Variants in MEMO1 observed in about 807,000 individuals in gnomAD.
MEMO1 encodes the protein mediator of cell motility 1, also known as protein MEMO1.
MEMO1 carries 6 observed loss-of-function variants against 45.2 expected under a neutral mutation model. The observed-to-expected ratio is 0.13, with a 90% CI of 0.07 to 0.26. The LOEUF is 0.26. Among genes scored for constraint, MEMO1 ranks in the 10% least tolerant of loss-of-function variants. The pLI is 1.00. For synonymous variants in MEMO1, 78 were observed against 124.3 expected (o/e 0.63, Z 2.48); for missense variants, 184 against 370.5 (o/e 0.50, Z 4.13).
At chr2:31,898,612 G>C (rs984999091) in intron 6 of MEMO1, among the ~76,000 whole-genome samples, 1 of 152,186 alleles carries the variant, frequency 6.6e-6, no homozygotes, top group Non-Finnish European at 1.5e-5. Context: ...TGCAGTTGCT[G>C]AGGAGTGTTT....
intron 2 of MEMO1, among the ~76,000 whole-genome samples, chr2:31,964,008 A>T (rs770465605): frequency 1.3e-5 from 2 of 152,246 alleles, no homozygotes; most frequent in African/African-American, 4.8e-5. Context: ...AGTATTATTC[A>T]AACCAATTTT....
chr2:31,905,993 G>T (rs768258144), intron 6 of MEMO1, among the ~76,000 whole-genome samples: 9 of 150,028 alleles, frequency 6.0e-5, no homozygotes, highest in East Asian at 3.9e-4. Flanking sequence ...TTTTTGAGAC[G>T]GAGTCTCACT....
chr2:31,958,688 A>C (rs1458963567), intron 2 of MEMO1, among the ~76,000 whole-genome samples: 1 of 152,136 alleles, frequency 6.6e-6, no homozygotes, highest in South Asian at 2.1e-4. Flanking sequence ...CTCTGGCTCT[A>C]TCACCCTGGC....
intron 4 of MEMO1, among the ~76,000 whole-genome samples, chr2:31,928,865 T>C (rs545566356): frequency 1.7e-4 from 26 of 152,284 alleles, no homozygotes; most frequent in African/African-American, 6.0e-4. Context: ...ATCAGAAACT[T>C]AGACTCTTTA....
intron 2 of MEMO1, among the ~76,000 whole-genome samples, chr2:31,964,247 AACAC>A (rs1164396072): frequency 1.3e-5 from 2 of 151,986 alleles, no homozygotes; most frequent in African/African-American, 4.8e-5. Context: ...CACGTACACA[AACAC>A]ACACACAAAC....
Position 31,879,142 on chromosome 2 carries a change from T to C in MEMO1, c.657+4244A>G, listed in dbSNP as rs140302547. Reference sequence around the variant, plus strand: ...CTGTCATACTCAAACTAGTAGAGAATAATTTTTCACATTTGGTTTTTGCCT... The same window carrying C: ...CTGTCATACTCAAACTAGTAGAGAACAATTTTTCACATTTGGTTTTTGCCT... On this transcript the variant is annotated intron_variant, in intron 8 of 9. Transcript: ENST00000404530. 3.7e-3 allele frequency among the ~76,000 whole-genome samples: 568 copies of C among 152,334 alleles called. 5 individuals are homozygous for C. Among genetic ancestry groups the C allele is most frequent in the African/African-American group, 0.013 (558 of 41,584 alleles).
chr2:31,919,967 T>C (rs1418030187), intron 5 of MEMO1, among the ~76,000 whole-genome samples: 1 of 151,558 alleles, frequency 6.6e-6, no homozygotes, highest in Non-Finnish European at 1.5e-5. Context: ...TGTGTGTGTG[T>C]GTGTGTGTGT....
At chr2:32,007,091 A>G (rs1350076779) in intron 2 of MEMO1, among the ~76,000 whole-genome samples, 2 of 152,128 alleles carry the variant, frequency 1.3e-5, no homozygotes, top group Admixed American at 1.3e-4. Context: ...CTCTCAACTG[A>G]GTAAGTCCAG....
intron 8 of MEMO1, among the ~76,000 whole-genome samples, chr2:31,875,762 C>T (rs1674462164): frequency 6.6e-6 from 1 of 152,158 alleles, no homozygotes; most frequent in South Asian, 2.1e-4. Flanking sequence ...TCTCGGCTCA[C>T]TGTAACCTCC....
At chr2:31,963,696 A>G (rs1558536880) in intron 2 of MEMO1, among the ~76,000 whole-genome samples, 1 of 152,182 alleles carries the variant, frequency 6.6e-6, no homozygotes, top group Non-Finnish European at 1.5e-5. Flanking sequence ...AGATAAAAAC[A>G]ATGTTCATGA....
At chr2:31,924,205 G>A (rs544794389) in intron 4 of MEMO1, among the ~76,000 whole-genome samples, 1 of 152,188 alleles carries the variant, frequency 6.6e-6, no homozygotes, top group South Asian at 2.1e-4. Flanking sequence ...ATCTCAAAAT[G>A]GGTCTCCTTG....
At chr2:32,010,917 C>G (rs976592464) in intron 1 of MEMO1, 25 bp downstream of exon 1, 1 of 152,488 alleles carries the variant, frequency 6.6e-6, no homozygotes, top group South Asian at 2.1e-4. Context: ...AAGGCAGACC[C>G]GGAGAAGAGC....
At chr2:31,917,146 T>G (rs1271917612) in intron 6 of MEMO1, among the ~76,000 whole-genome samples, 1 of 152,122 alleles carries the variant, frequency 6.6e-6, no homozygotes. Flanking sequence ...ACTTTACTAA[T>G]ATAATGAACA....
At chr2:31,986,478 AAATAAT>A (rs914949889) in intron 2 of MEMO1, among the ~76,000 whole-genome samples, 19 of 152,254 alleles carry the variant, frequency 1.2e-4, no homozygotes, top group African/African-American at 4.1e-4. Context: ...TCTCAAAAAA[AAATAAT>A]AATAATAATA....
chr2:31,968,721 G>A (rs1668921319), intron 2 of MEMO1, among the ~76,000 whole-genome samples: 1 of 152,032 alleles, frequency 6.6e-6, no homozygotes, highest in African/African-American at 2.4e-5. Context: ...TAAATTAAGT[G>A]TTCCGTTTGT....
intron 7 of MEMO1, among the ~76,000 whole-genome samples, chr2:31,884,535 G>C (rs996700287): frequency 2.6e-5 from 4 of 152,058 alleles, no homozygotes; most frequent in Non-Finnish European, 4.4e-5. Flanking sequence ...AGATTTTTAA[G>C]TTTTCTGTTC....
intron 2 of MEMO1, among the ~76,000 whole-genome samples, chr2:31,955,677 C>T (rs1376021590): frequency 7.2e-5 from 11 of 152,044 alleles, no homozygotes; most frequent in Admixed American, 7.2e-4. Flanking sequence ...GGGGCGATCT[C>T]GGCTCACTGC....
rs556749220 is a variant in MEMO1 at position 31,935,842 on chromosome 2, CG to C, written c.144-3708del. 1.8e-3 allele frequency among the ~76,000 whole-genome samples: 279 copies of C among 152,168 alleles called. 2 individuals carry two copies. The highest frequency in any genetic ancestry group is 6.5e-3 in the African/African-American group (270 of 41,514). On this transcript the variant is annotated intron_variant, in intron 3 of 9. Coordinates refer to ENST00000404530, the MANE Select transcript of MEMO1 (RefSeq NM_001301833.4). The stretch of plus-strand genomic sequence containing the variant: ...AATAAAGGAGGCTTCACTAAAGAAA[CG>C]GCTAAAGTTTTTTCTTTTGTGCATA...
At chr2:31,950,802 A>G (rs1398253875) in intron 2 of MEMO1, among the ~76,000 whole-genome samples, 1 of 152,222 alleles carries the variant, frequency 6.6e-6, no homozygotes, top group East Asian at 1.9e-4. Context: ...AGACAAATAT[A>G]TAATCCTTGT....
Sources: allele counts gnomAD v4.1 joint callset (sites outside exome capture counted in the v4.1 genomes callset), GRCh38; gene constraint gnomAD v4.1.1; transcripts MANE v1.5; gene names NCBI Gene and HGNC (gene_info 2026-07-23, HGNC 2026-07-21).